SPOCK3: variants seen among roughly 807,000 people sequenced by gnomAD.
The protein encoded by SPOCK3 is SPARC (osteonectin), cwcv and kazal like domains proteoglycan 3, also known as testican-3.
A neutral mutation model predicts 56.6 loss-of-function variants in SPOCK3; 30 were observed. That is an observed-to-expected ratio of 0.53 (90% CI 0.40 to 0.72). The LOEUF is 0.72. Among genes scored for constraint, SPOCK3 ranks in the 30% least tolerant of loss-of-function variants. SPOCK3 has a pLI of 0.00. For synonymous variants in SPOCK3, 196 were observed against 183.3 expected (o/e 1.07, Z -0.56); for missense variants, 527 against 530.0 (o/e 0.99, Z 0.06).
At chr4:167,079,645 G>A (rs1757537828) in intron 2 of SPOCK3, among the ~76,000 whole-genome samples, 1 of 152,000 alleles carries the variant, frequency 6.6e-6, no homozygotes, top group Admixed American at 6.6e-5. Context: ...ACTTCTCTGT[G>A]AATGTGTGAT....
At chr4:166,954,702 C>T (rs1268606343) in intron 4 of SPOCK3, among the ~76,000 whole-genome samples, 2 of 152,152 alleles carry the variant, frequency 1.3e-5, no homozygotes, top group African/African-American at 4.8e-5. Context: ...TAAAAGGTAT[C>T]CATTTTTAAC....
chr4:167,079,361 CT>C (rs2150285888), intron 2 of SPOCK3, among the ~76,000 whole-genome samples: 1 of 152,090 alleles, frequency 6.6e-6, no homozygotes, highest in South Asian at 2.1e-4. Flanking sequence ...CTAATTTATG[CT>C]CCTTGCTGTG....
chr4:167,230,107 G>A (rs1319395695), intron 2 of SPOCK3, among the ~76,000 whole-genome samples: 1 of 151,060 alleles, frequency 6.6e-6, no homozygotes, highest in East Asian at 1.9e-4. Flanking sequence ...AATATTTGAG[G>A]GCTTCTCATA....
At chr4:166,783,249 C>A (rs1740369207) in intron 7 of SPOCK3, among the ~76,000 whole-genome samples, 1 of 152,076 alleles carries the variant, frequency 6.6e-6, no homozygotes, top group Non-Finnish European at 1.5e-5. Flanking sequence ...ATCCCAGCTA[C>A]TTGGGAGGGT....
chr4:166,942,044 T>A (rs977644504), intron 4 of SPOCK3, among the ~76,000 whole-genome samples: 1 of 152,176 alleles, frequency 6.6e-6, no homozygotes, highest in African/African-American at 2.4e-5. Context: ...TAAAAAAAAC[T>A]GTTATAATGC....
intron 9 of SPOCK3, among the ~76,000 whole-genome samples, chr4:166,740,293 TATGAAAGAATA>T (rs1734694320): frequency 6.6e-6 from 1 of 151,450 alleles, no homozygotes; most frequent in African/African-American, 2.4e-5. Flanking sequence ...TCATTTATAT[TATGAAAGAATA>T]ATGAAGGTAA....
intron 4 of SPOCK3, among the ~76,000 whole-genome samples, chr4:166,950,794 C>G (rs958174540): frequency 2.0e-5 from 3 of 149,810 alleles, no homozygotes; most frequent in African/African-American, 7.6e-5. Context: ...CTCAAAACCG[C>G]TCAACTACAT....
chr4:167,207,368 A>C (rs1187371340), intron 2 of SPOCK3, among the ~76,000 whole-genome samples: 1 of 152,046 alleles, frequency 6.6e-6, no homozygotes, highest in Non-Finnish European at 1.5e-5. Context: ...TATTTTAGAA[A>C]GATTATATAT....
intron 6 of SPOCK3, among the ~76,000 whole-genome samples, chr4:166,801,184 A>G (rs1184139010): frequency 6.6e-6 from 1 of 152,158 alleles, no homozygotes; most frequent in Non-Finnish European, 1.5e-5. Context: ...GATAAAATAT[A>G]TTATTGATCA....
intron 3 of SPOCK3, among the ~76,000 whole-genome samples, chr4:167,054,111 T>C (rs996842116): frequency 2.6e-5 from 4 of 152,168 alleles, no homozygotes; most frequent in African/African-American, 9.7e-5. Flanking sequence ...TAGAGATTTA[T>C]GATATTTATC....
At chr4:166,888,638 CA>C (rs1194607393) in intron 6 of SPOCK3, among the ~76,000 whole-genome samples, 3 of 150,894 alleles carry the variant, frequency 2.0e-5, no homozygotes, top group Admixed American at 6.6e-5. Flanking sequence ...TTCATCTGGT[CA>C]AAAAAAAGTT....
chr4:167,128,950 A>G (rs966471123), intron 2 of SPOCK3, among the ~76,000 whole-genome samples: 1 of 152,164 alleles, frequency 6.6e-6, no homozygotes, highest in Non-Finnish European at 1.5e-5. Context: ...AAACCCTACC[A>G]GACTGTGGAG....
intron 3 of SPOCK3, among the ~76,000 whole-genome samples, chr4:167,033,972 A>C (rs1752505555): frequency 6.6e-6 from 1 of 152,208 alleles, no homozygotes; most frequent in African/African-American, 2.4e-5. Context: ...ATTATATACT[A>C]CTGGACTTCA....
intron 5 of SPOCK3, among the ~76,000 whole-genome samples, chr4:166,907,628 A>G (rs1579608617): frequency 6.6e-6 from 1 of 152,102 alleles, no homozygotes; most frequent in Non-Finnish European, 1.5e-5. Context: ...AAATCAGTGT[A>G]AGGAGAGGAA....
intron 2 of SPOCK3, among the ~76,000 whole-genome samples, chr4:167,217,057 AAGAACAAAAAAC>A (rs1735432276): frequency 6.6e-6 from 1 of 152,140 alleles, no homozygotes; most frequent in Admixed American, 6.6e-5. Flanking sequence ...GGCTTTGTTA[AAGAACAAAAAAC>A]AATTTGTTAA....
At chr4:167,193,603 T>C (rs986730957) in intron 2 of SPOCK3, among the ~76,000 whole-genome samples, 1 of 146,082 alleles carries the variant, frequency 6.8e-6, no homozygotes, top group African/African-American at 2.6e-5. Context: ...AATTTCACTA[T>C]ATATTTGTCT....
intron 2 of SPOCK3, among the ~76,000 whole-genome samples, chr4:167,181,598 G>A (rs920445314): frequency 2.0e-5 from 3 of 151,866 alleles, no homozygotes; most frequent in Non-Finnish European, 4.4e-5. Flanking sequence ...TTTCCCCTCC[G>A]CTTCCTTCAT....
intron 2 of SPOCK3, among the ~76,000 whole-genome samples, chr4:167,146,124 A>G (rs1476388467): frequency 6.6e-6 from 1 of 152,134 alleles, no homozygotes; most frequent in Non-Finnish European, 1.5e-5. Flanking sequence ...ATATTTACCA[A>G]GCAAATGGAA....
At chr4:167,208,394 A>C (rs560525616) in intron 2 of SPOCK3, among the ~76,000 whole-genome samples, 1 of 152,188 alleles carries the variant, frequency 6.6e-6, no homozygotes, top group South Asian at 2.1e-4. Flanking sequence ...TTTATTTTGG[A>C]GCATTATTTC....
Sources: allele counts gnomAD v4.1 joint callset (sites outside exome capture counted in the v4.1 genomes callset), GRCh38; gene constraint gnomAD v4.1.1; transcripts MANE v1.5; gene names NCBI Gene and HGNC (gene_info 2026-07-23, HGNC 2026-07-21).